WDFY4: variants seen among roughly 807,000 people sequenced by gnomAD.
WDFY4 encodes the protein WDFY family member 4, also known as WD repeat- and FYVE domain-containing protein 4.
A neutral mutation model predicts 351.9 loss-of-function variants in WDFY4; 169 were observed. That is an observed-to-expected ratio of 0.48 (90% CI 0.42 to 0.55). The LOEUF is 0.55. Ranked by LOEUF, WDFY4 falls within the 20% of genes least tolerant of loss-of-function variation. The pLI is 0.00. For synonymous variants in WDFY4, 1,622 were observed against 1,574.6 expected (o/e 1.03, Z -0.71); for missense variants, 3,803 against 3,935.6 (o/e 0.97, Z 0.90).
At chr10:48,886,406 T>G (rs1373434839) in intron 43 of WDFY4, among the ~76,000 whole-genome samples, 1 of 152,202 alleles carries the variant, frequency 6.6e-6, no homozygotes, top group Non-Finnish European at 1.5e-5. Context: ...TGTAACAGTA[T>G]TAAGAGATGG....
rs376503713 is a variant in WDFY4 at position 48,828,771 on chromosome 10, C to T, written c.6222-7C>T. On this transcript the variant is annotated splice_region_variant and splice_polypyrimidine_tract_variant and intron_variant, in intron 36 of 61. Coordinates refer to ENST00000325239, the MANE Select transcript of WDFY4 (RefSeq NM_001394531.1). ...TGGATTTTAGTGAAAAATCTCTTATCCACTAGTTACCCAGAAGGATTTGGA... is the reference window on the plus strand; with the variant it reads ...TGGATTTTAGTGAAAAATCTCTTATTCACTAGTTACCCAGAAGGATTTGGA... 6.8e-5 allele frequency: 102 copies of T among 1,493,160 alleles called. No homozygotes were observed. Among genetic ancestry groups the T allele is most frequent in the Non-Finnish European group, 8.6e-5 (95 of 1,103,184 alleles). The allele number at this position is 1,493,160 out of a possible 1,614,324, so 92.5% of individuals were successfully genotyped here. A position where few individuals can be genotyped will look rare whatever the true frequency, so the allele number is the denominator to read the frequency against.
At chr10:48,890,487 C>T in intron 43 of WDFY4, 92 bp from the exon 44 acceptor site, 1 of 1,470,146 alleles carries the variant, frequency 6.8e-7, no homozygotes, top group Middle Eastern at 1.9e-4. Flanking sequence ...CCAATTGCCC[C>T]ATGGATGGCT....
Position 48,840,334 on chromosome 10 carries a change from G to T in WDFY4, c.6663+7625G>T, listed in dbSNP as rs1011208790. Among the ~76,000 whole-genome samples, 34 of 151,700 alleles carry T rather than the reference G, an allele frequency of 2.2e-4. 2 individuals carry two copies. Among genetic ancestry groups the T allele is most frequent in the Non-Finnish European group, 1.5e-5 (1 of 67,962 alleles). ...AACCAGCCTGGGGCGGTGGGGAGGG[G>T]CTCCATTATCCTTTTAGGTTTTCTG... On this transcript the variant is annotated intron_variant, in intron 39 of 61. Transcript: ENST00000325239.
chr10:48,892,476 A>G (rs1225747996), intron 44 of WDFY4, among the ~76,000 whole-genome samples: 1 of 152,224 alleles, frequency 6.6e-6, no homozygotes, highest in East Asian at 1.9e-4. Flanking sequence ...AAGTGCCCAG[A>G]TAGTTTTAGT....
chr10:48,918,918 T>C (rs1399790642), intron 47 of WDFY4, among the ~76,000 whole-genome samples: 1 of 152,208 alleles, frequency 6.6e-6, no homozygotes, highest in Non-Finnish European at 1.5e-5. Flanking sequence ...GGAGCAAAAT[T>C]GCCTGGAGAT....
rs575327526 is a variant in WDFY4, at chr10:48,722,285, G to A, written c.456+918G>A. Among the ~76,000 whole-genome samples, 9 of 152,310 alleles carry A rather than the reference G, an allele frequency of 5.9e-5. No homozygotes were observed. The South Asian group carries it at 6.2e-4, about 11-fold the overall frequency. On this transcript the variant is annotated intron_variant, in intron 4 of 61. Transcript: ENST00000325239. ...GCGACCTGAAGCACAGCACGAGGGC[G>A]CATCACATGTGCCCCTGGGGGAAGG...
Position 48,805,497 on chromosome 10 carries a change from C to T in WDFY4, c.4646+76C>T. 4 of 1,485,404 alleles carry T rather than the reference C, an allele frequency of 2.7e-6. 1 individual carries two copies. The highest frequency in any genetic ancestry group is 3.6e-6 in the Non-Finnish European group (4 of 1,117,402). 92.0% of individuals were successfully genotyped at this position (1,485,404 alleles called of 1,614,324 possible). A position where few individuals can be genotyped will look rare whatever the true frequency, so the allele number is the denominator to read the frequency against. The stretch of plus-strand genomic sequence containing the variant: ...AAAAGGGAGGACAGACCCCAGCTCT[C>T]TCCCCATTGTGCTCAACCCTGAATC... On this transcript the variant is annotated intron_variant, in intron 26 of 61. Coordinates refer to ENST00000325239, the MANE Select transcript of WDFY4 (RefSeq NM_001394531.1).
At chr10:48,872,172 T>G (rs1012795127) in intron 40 of WDFY4, among the ~76,000 whole-genome samples, 12 of 152,252 alleles carry the variant, frequency 7.9e-5, no homozygotes, top group African/African-American at 2.2e-4. Context: ...TCTGGCAAGT[T>G]ATGAGAACAA....
Position 48,812,198 on chromosome 10 carries a change from T to G in WDFY4, c.5214+490T>G, listed in dbSNP as rs1589669459. 2.7e-5 allele frequency among the ~76,000 whole-genome samples: 4 copies of G among 149,532 alleles called. 1 individual carries two copies. The South Asian group carries it at 8.4e-4, about 31-fold the overall frequency. The stretch of plus-strand genomic sequence containing the variant: ...TCTTTTCTTTTTTTTTTGTTTTTTT[T>G]GTTTTTTTTTGAGACAGAGTCTTAC... On this transcript the variant is annotated intron_variant, in intron 30 of 61. Coordinates refer to ENST00000325239, the MANE Select transcript of WDFY4 (RefSeq NM_001394531.1).
intron 39 of WDFY4, among the ~76,000 whole-genome samples, chr10:48,854,639 G>C (rs966037022): frequency 1.3e-5 from 2 of 152,146 alleles, no homozygotes; most frequent in Non-Finnish European, 2.9e-5. Context: ...TGACTACTAA[G>C]AACCAAAAAC....
intron 47 of WDFY4, among the ~76,000 whole-genome samples, chr10:48,937,649 T>G (rs569758608): frequency 1.1e-4 from 17 of 152,334 alleles, no homozygotes; most frequent in Admixed American, 6.5e-4. Flanking sequence ...CAATTAAGTG[T>G]TATTATTAGG....
chr10:48,911,005 A>C, intron 47 of WDFY4: 2 of 647,942 alleles, frequency 3.1e-6, no homozygotes, highest in Non-Finnish European at 3.8e-6. Flanking sequence ...TGAAATGGAA[A>C]GTCATCATGT....
chr10:48,913,934 G>A, intron 47 of WDFY4: 1 of 1,614,110 alleles, frequency 6.2e-7, no homozygotes, highest in South Asian at 1.1e-5. Context: ...GCCACCGGAG[G>A]TTCTGGAACT....
chr10:48,834,694 C>T (rs1035359236), intron 39 of WDFY4, among the ~76,000 whole-genome samples: 1 of 152,208 alleles, frequency 6.6e-6, no homozygotes, highest in Non-Finnish European at 1.5e-5. Flanking sequence ...CCCAGGAGGT[C>T]AGGACAGCCT....
chr10:48,880,348 C>T (rs140435031), intron 43 of WDFY4, among the ~76,000 whole-genome samples: 3 of 152,158 alleles, frequency 2.0e-5, no homozygotes, highest in African/African-American at 2.4e-5. Flanking sequence ...GCTGGGGGAG[C>T]GGCAAGAGTC....
intron 47 of WDFY4, among the ~76,000 whole-genome samples, chr10:48,912,293 C>T (rs922331292): frequency 2.6e-5 from 4 of 152,218 alleles, no homozygotes; most frequent in African/African-American, 4.8e-5. Context: ...CTGCTGAGTA[C>T]GTTCTCCATG....
chr10:48,899,871 A>G (rs1465548107), intron 45 of WDFY4, among the ~76,000 whole-genome samples: 1 of 152,088 alleles, frequency 6.6e-6, no homozygotes, highest in Non-Finnish European at 1.5e-5. Context: ...AGTTTCTGGT[A>G]AGTTGACCCC....
At chr10:48,809,400 GCAT>G (rs1359392859) in intron 28 of WDFY4, among the ~76,000 whole-genome samples, 4 of 130,230 alleles carry the variant, frequency 3.1e-5, no homozygotes, top group African/African-American at 1.2e-4. Context: ...ACCACCAACA[GCAT>G]CATCACCATC....
chr10:48,982,635 A>T lies in WDFY4; in HGVS notation c.*60A>T, dbSNP rs1315686747. The T allele has an allele frequency of 1.3e-5, 20 of 1,507,380 alleles. No individual in the cohort carries two copies. Among genetic ancestry groups the T allele is most frequent in the East Asian group, 1.3e-4 (5 of 39,902 alleles). The allele number at this position is 1,507,380 out of a possible 1,614,324, so 93.4% of individuals were successfully genotyped here. On this transcript the variant is annotated 3_prime_UTR_variant, in exon 62 of 62. Transcript: ENST00000325239. Reference sequence around the variant, plus strand: ...TGCCAGGCTGAGGGTGGCAGAGGTGACTGGGGCCTGAGCTCTGCCTACAGA... The same window carrying T: ...TGCCAGGCTGAGGGTGGCAGAGGTGTCTGGGGCCTGAGCTCTGCCTACAGA...
Sources: allele counts gnomAD v4.1 joint callset (sites outside exome capture counted in the v4.1 genomes callset), GRCh38; gene constraint gnomAD v4.1.1; transcripts MANE v1.5; gene names NCBI Gene and HGNC (gene_info 2026-07-23, HGNC 2026-07-21).